PSMD12: variants seen among roughly 807,000 people sequenced by gnomAD.
The protein encoded by PSMD12 is 26S proteasome non-ATPase regulatory subunit 12.
A neutral mutation model predicts 62.9 loss-of-function variants in PSMD12; 8 were observed. The observed-to-expected ratio is 0.13, with a 90% CI of 0.07 to 0.23. The LOEUF is 0.23. Ranked by LOEUF, PSMD12 falls within the 10% of genes least tolerant of loss-of-function variation. PSMD12 has a pLI of 1.00. For synonymous variants in PSMD12, 173 were observed against 187.4 expected (o/e 0.92, Z 0.63); for missense variants, 424 against 550.2 (o/e 0.77, Z 2.29).
intron 3 of PSMD12, among the ~76,000 whole-genome samples, chr17:67,356,557 C>CAACAAAAAAA (rs2042075348): frequency 6.7e-5 from 1 of 14,994 alleles, no homozygotes; most frequent in Non-Finnish European, 1.7e-4. Context: ...GACTCCGTCT[C>CAACAAAAAAA]AAAAAAAAAA....
chr17:67,351,215 C>T (rs1357439582), intron 3 of PSMD12, among the ~76,000 whole-genome samples: 1 of 151,826 alleles, frequency 6.6e-6, no homozygotes, highest in Non-Finnish European at 1.5e-5. Flanking sequence ...CATGGTGAAA[C>T]CCCGTCTCTA....
chr17:67,351,341 A>T (rs1026202049), intron 3 of PSMD12, among the ~76,000 whole-genome samples: 1 of 151,352 alleles, frequency 6.6e-6, no homozygotes, highest in African/African-American at 2.4e-5. Flanking sequence ...GCAGTAAGCC[A>T]AGATCGCGCC....
chr17:67,363,373 G>C (rs1178731090), intron 1 of PSMD12, among the ~76,000 whole-genome samples: 1 of 151,980 alleles, frequency 6.6e-6, no homozygotes, highest in East Asian at 1.9e-4. Context: ...TCAAACTCCT[G>C]GCCTCAAGTG....
chr17:67,341,990 A>G (rs891399408), intron 10 of PSMD12, among the ~76,000 whole-genome samples, 196 bp downstream of exon 10: 3 of 152,252 alleles, frequency 2.0e-5, no homozygotes, highest in African/African-American at 7.2e-5. Context: ...ATGGACCTAA[A>G]GACAACACTG....
rs191531725 is a variant in PSMD12 at position 67,357,194 on chromosome 17, T to A, written c.297+109A>T. ...CTGAATTTTAAAACACCCTCTAGGA[T>A]GTTACAACGTTGACTTAACACATTT... On this transcript the variant is annotated intron_variant, in intron 3 of 10. Coordinates refer to ENST00000356126, the MANE Select transcript of PSMD12 (RefSeq NM_002816.5). 12 of 1,232,404 alleles carry A rather than the reference T, an allele frequency of 9.7e-6. No individual in the cohort carries two copies. In the Admixed American group the frequency reaches 1.7e-4, roughly 18 times the overall value. 76.3% of individuals were successfully genotyped at this position (1,232,404 alleles called of 1,614,324 possible).
At chr17:67,359,697 T>C (rs1397668521) in intron 1 of PSMD12, among the ~76,000 whole-genome samples, 2 of 152,220 alleles carry the variant, frequency 1.3e-5, no homozygotes, top group Non-Finnish European at 2.9e-5. Context: ...TCTGAACTTA[T>C]TTTAATTAAA....
At chr17:67,360,765 G>C (rs138021508) in intron 1 of PSMD12, among the ~76,000 whole-genome samples, 2 of 152,184 alleles carry the variant, frequency 1.3e-5, no homozygotes, top group East Asian at 3.9e-4. Flanking sequence ...CATATAATAC[G>C]TGTTGAATGG....
Position 67,342,501 on chromosome 17 carries a change from A to C in PSMD12, c.1084-238T>G, listed in dbSNP as rs376193446. 11 of 314,376 alleles carry C rather than the reference A, an allele frequency of 3.5e-5. No homozygotes were observed. In the East Asian group the frequency reaches 4.5e-4, roughly 13 times the overall value. The allele number at this position is 314,376 out of a possible 1,614,324, so 19.5% of individuals were successfully genotyped here. On this transcript the variant is annotated intron_variant, in intron 9 of 10. Coordinates refer to ENST00000356126, the MANE Select transcript of PSMD12 (RefSeq NM_002816.5). ...TATGAATATTCTACACAGCTCTTTA[A>C]ATATATAGTCAAAATATATGCCTGT... is the stretch of plus-strand genomic sequence containing the variant.
In PSMD12 at chr17:67,347,365, T is replaced by C; in HGVS notation, c.631A>G (p.Thr211Ala). The C allele has an allele frequency of 6.2e-7, 1 of 1,614,000 alleles. No homozygotes were observed. Among genetic ancestry groups the C allele is most frequent in the Admixed American group, 1.7e-5 (1 of 60,020 alleles). ...RTQIISKKINTKFFQEENTEK... is the reference protein window; with the variant it reads ...RTQIISKKINAKFFQEENTEK... ...GTATTTTCTTCCTGGAAAAATTTGG[T>C]GTTAATTTTCTTGCTGATGATTTGT... is the stretch of plus-strand genomic sequence containing the variant. The change falls in exon 6 of 11, where the codon ACC becomes GCC. Residue 211 changes from threonine to alanine, a missense_variant. Thr to Ala is a moderately conservative substitution (Grantham distance 58). Coordinates refer to ENST00000356126, the MANE Select transcript of PSMD12 (RefSeq NM_002816.5).
At chr17:67,349,325 G>A (rs1411728292) in intron 4 of PSMD12, among the ~76,000 whole-genome samples, 3 of 152,126 alleles carry the variant, frequency 2.0e-5, no homozygotes, top group Admixed American at 6.6e-5. Context: ...GGCCAGAACC[G>A]AACTATTCTT....
chr17:67,345,876 A>T lies in PSMD12; in HGVS notation c.796-19T>A, dbSNP rs2041960314. On this transcript the variant is annotated intron_variant, in intron 7 of 10. Coordinates refer to ENST00000356126, the MANE Select transcript of PSMD12 (RefSeq NM_002816.5). The stretch of plus-strand genomic sequence containing the variant: ...TCAGAGCCTAAAAGAGTTGTACAAC[A>T]AGTTATATGCAAGACTGGACATAAT... 1 of 1,573,904 alleles carries T rather than the reference A, an allele frequency of 6.4e-7. No individual in the cohort carries two copies. The highest frequency in any genetic ancestry group is 1.3e-5 in the African/African-American group (1 of 74,104).
chr17:67,364,040 ACT>A (rs2042157928), intron 1 of PSMD12, among the ~76,000 whole-genome samples: 1 of 152,056 alleles, frequency 6.6e-6, no homozygotes, highest in South Asian at 2.1e-4. Flanking sequence ...CAAGAGCGAA[ACT>A]CTGTCTCGAA....
rs1416985896 is a variant in PSMD12, at chr17:67,339,795, A to G, written c.*1048T>C. The G allele has an allele frequency of 6.6e-6, 1 of 152,050 alleles. No homozygotes were observed. Among genetic ancestry groups the G allele is most frequent in the East Asian group, 1.9e-4 (1 of 5,192 alleles). The allele number at this position is 152,050 out of a possible 1,614,324, so 9.4% of individuals were successfully genotyped here. A position where few individuals can be genotyped will look rare whatever the true frequency, so the allele number is the denominator to read the frequency against. ...AAACTTGCAAAATTCGTTCACACCAATTCATCTCAGGTGTTTCTTTGACAG... is the reference window on the plus strand; with the variant it reads ...AAACTTGCAAAATTCGTTCACACCAGTTCATCTCAGGTGTTTCTTTGACAG... On this transcript the variant is annotated 3_prime_UTR_variant, in exon 11 of 11. Transcript: ENST00000356126.
intron 3 of PSMD12, 42 bp from the exon 4 acceptor site, chr17:67,350,378 A>C: frequency 7.1e-6 from 10 of 1,414,110 alleles, no homozygotes; most frequent in South Asian, 1.3e-5. Context: ...TACATTCCTC[A>C]CAGAGCGAAA....
intron 9 of PSMD12, 82 bp downstream of exon 9, chr17:67,344,524 C>G: frequency 7.6e-7 from 1 of 1,312,614 alleles, no homozygotes. Flanking sequence ...AGTTTATGCT[C>G]AAAATTGCCA....
chr17:67,364,672 T>C (rs549175584), intron 1 of PSMD12, among the ~76,000 whole-genome samples: 72 of 152,376 alleles, frequency 4.7e-4, no homozygotes, highest in African/African-American at 1.7e-3. Context: ...TTGGCCTGTA[T>C]GTTTTGTTCT....
chr17:67,347,038 T>TA (rs2041973499), intron 7 of PSMD12, 78 bp downstream of exon 7: 1 of 1,433,186 alleles, frequency 7.0e-7, no homozygotes, highest in Non-Finnish European at 9.5e-7. Flanking sequence ...CTATTGCAGT[T>TA]AAAAAGATTT....
At chr17:67,343,187 ATC>A (rs1345187964) in intron 9 of PSMD12, among the ~76,000 whole-genome samples, 1 of 152,134 alleles carries the variant, frequency 6.6e-6, no homozygotes, top group East Asian at 1.9e-4. Context: ...ATCTTCTCCC[ATC>A]TCTATCAGGG....
In PSMD12 at chr17:67,345,809, C is replaced by A; in HGVS notation, c.844G>T (p.Glu282Ter). Residue 282 changes from glutamate (E) to a stop codon, truncating the protein, a stop_gained, in exon 8 of 11, where the codon GAA becomes TAA. Coordinates refer to ENST00000356126, the MANE Select transcript of PSMD12 (RefSeq NM_002816.5). LOFTEE classifies it high-confidence loss of function. ...LYVILAPFDN[E>*]QSDLVHRISG... ...ATTCGGTGAACCAAATCTGACTGTT[C>A]ATTGTCAAAAGGAGCCAGGATAACA... 6.2e-7 allele frequency: 1 copy of A among 1,613,904 alleles called. No individual in the cohort carries two copies. The highest frequency in any genetic ancestry group is 1.1e-5 in the South Asian group (1 of 91,068).
Sources: allele counts gnomAD v4.1 joint callset (sites outside exome capture counted in the v4.1 genomes callset), GRCh38; gene constraint gnomAD v4.1.1; transcripts MANE v1.5; gene names NCBI Gene and HGNC (gene_info 2026-07-23, HGNC 2026-07-21).